The following ZNF713 variants were observed in gnomAD, a reference collection of about 807,000 sequenced individuals.
ZNF713 encodes the protein zinc finger protein 713.
A neutral mutation model predicts 28.7 loss-of-function variants in ZNF713; 21 were observed. That is an observed-to-expected ratio of 0.73 (90% CI 0.52 to 1.05). ZNF713 has a LOEUF of 1.05. Ranked by LOEUF, ZNF713 falls within the 50% of genes least tolerant of loss-of-function variation. The probability of loss-of-function intolerance (pLI) is 0.00; values close to 1 mark genes in which losing one functional copy is unlikely to be tolerated. For missense variants in ZNF713, 458 were observed against 532.4 expected (o/e 0.86, Z 1.37); for synonymous variants, 167 against 178.0 (o/e 0.94, Z 0.49).
In ZNF713 at chr7:55,912,001, T is replaced by G. The variant is rs1268157697; in HGVS notation, c.-70T>G. The G allele has an allele frequency of 6.6e-6, 1 of 152,222 alleles. No individual in the cohort carries two copies. The highest frequency in any genetic ancestry group is 6.5e-5 in the Admixed American group (1 of 15,280). 9.4% of individuals were successfully genotyped at this position (152,222 alleles called of 1,614,324 possible). A position where few individuals can be genotyped will look rare whatever the true frequency, so the allele number is the denominator to read the frequency against. ...GAAGATAGCAGAGCTTTGGCGACATTACAACATAAGAACTGCAGAGAGGTG... is the reference window on the plus strand; with the variant it reads ...GAAGATAGCAGAGCTTTGGCGACATGACAACATAAGAACTGCAGAGAGGTG... On this transcript the variant is annotated 5_prime_UTR_variant, in exon 3 of 7. It adds an upstream start codon to the 5' untranslated region. Coordinates refer to ENST00000429591, the MANE Select transcript of ZNF713 (RefSeq NM_182633.3).
Position 55,905,017 on chromosome 7 carries a change from G to A in ZNF713, c.-582-1236G>A, listed in dbSNP as rs944457939. Among the ~76,000 whole-genome samples, 5 of 152,162 alleles carry A rather than the reference G, an allele frequency of 3.3e-5. No homozygotes were observed. In the South Asian group the frequency reaches 6.2e-4, roughly 19 times the overall value. ...CTGGATTACAGGTGTGAGCCACCAT[G>A]CCCAGCCTAATTTCTTTCCTTTTAA... On this transcript the variant is annotated intron_variant, in intron 1 of 6. Coordinates refer to ENST00000429591, the MANE Select transcript of ZNF713 (RefSeq NM_182633.3).
At position 55,940,548 on chromosome 7, in the gene ZNF713, A is replaced by G; in HGVS notation, c.*542A>G. ...TACAAATGAGATTATATTTGGAGTC[A>G]TGTTCCAAATCTGATATAAAACTTT... On this transcript the variant is annotated 3_prime_UTR_variant, in exon 7 of 7. Coordinates refer to ENST00000429591, the MANE Select transcript of ZNF713 (RefSeq NM_182633.3). 1 of 981,932 alleles carries G rather than the reference A, an allele frequency of 1.0e-6. No individual in the cohort carries two copies. Among genetic ancestry groups the G allele is most frequent in the Non-Finnish European group, 1.2e-6 (1 of 826,804 alleles). The allele number at this position is 981,932 out of a possible 1,614,324, so 60.8% of individuals were successfully genotyped here.
At chr7:55,889,474 A>G (rs945465198) in intron 1 of ZNF713, among the ~76,000 whole-genome samples, 1 of 152,248 alleles carries the variant, frequency 6.6e-6, no homozygotes, top group African/African-American at 2.4e-5. Flanking sequence ...ATAATTTTTT[A>G]AAAGGCAGGT....
intron 6 of ZNF713, among the ~76,000 whole-genome samples, chr7:55,932,878 G>T (rs1256243831): frequency 1.6e-5 from 1 of 63,312 alleles, no homozygotes; most frequent in Non-Finnish European, 2.7e-5. Flanking sequence ...GCGACAGAGC[G>T]AGACTCCGTC....
Position 55,939,656 on chromosome 7 carries a change from T to C in ZNF713, c.982T>C (p.Ser328Pro). The C allele has an allele frequency of 1.4e-5, 22 of 1,614,208 alleles. No homozygotes were observed. The highest frequency in any genetic ancestry group is 1.9e-5 in the Non-Finnish European group (22 of 1,180,036). The change falls in exon 7 of 7, where the codon TCC becomes CCC. Residue 328 changes from serine to proline, a missense_variant. Ser to Pro is a moderately conservative substitution (Grantham distance 74). Coordinates refer to ENST00000429591, the MANE Select transcript of ZNF713 (RefSeq NM_182633.3). ...TGGGAAAGCCTTCCGTCAGCATTCA[T>C]CCTTTACTCAACATCTGAGGATTCA... ...GCGKAFRQHS[S>P]FTQHLRIHTG...
rs371788586 is a variant in ZNF713 at position 55,901,887 on chromosome 7, A to T, written c.-582-4366A>T. 2.6e-5 allele frequency among the ~76,000 whole-genome samples: 4 copies of T among 152,348 alleles called. No individual in the cohort carries two copies. In the East Asian group the frequency reaches 5.8e-4, roughly 22 times the overall value. ...CATGTAGTTTGCTGTATCAACTTAT[A>T]TGACAGTTACACATGTCAATATGAC... On this transcript the variant is annotated intron_variant, in intron 1 of 6. Coordinates refer to ENST00000429591, the MANE Select transcript of ZNF713 (RefSeq NM_182633.3).
intron 6 of ZNF713, among the ~76,000 whole-genome samples, chr7:55,928,106 G>A (rs1241895681): frequency 6.6e-6 from 1 of 152,014 alleles, no homozygotes; most frequent in East Asian, 1.9e-4. Context: ...GAATTGGGAA[G>A]GCAGGTAGAG....
At chr7:55,889,392 C>T (rs1319469863) in intron 1 of ZNF713, among the ~76,000 whole-genome samples, 2 of 152,158 alleles carry the variant, frequency 1.3e-5, no homozygotes, top group African/African-American at 4.8e-5. Flanking sequence ...TGAGCCACTG[C>T]GCCCGGCCTG....
chr7:55,934,600 G>A (rs1264501354), intron 6 of ZNF713, among the ~76,000 whole-genome samples: 1 of 152,020 alleles, frequency 6.6e-6, no homozygotes, highest in Non-Finnish European at 1.5e-5. Context: ...GCCTCCCTGG[G>A]CTGAGGTGAC....
At chr7:55,915,321 T>C (rs1260122100) in intron 4 of ZNF713, among the ~76,000 whole-genome samples, 3 of 152,250 alleles carry the variant, frequency 2.0e-5, no homozygotes, top group Non-Finnish European at 2.9e-5. Context: ...GTAGCTAGTA[T>C]GTGACAAGTT....
intron 6 of ZNF713, among the ~76,000 whole-genome samples, chr7:55,929,515 A>G (rs1458947316): frequency 1.3e-5 from 2 of 152,194 alleles, no homozygotes; most frequent in Non-Finnish European, 2.9e-5. Flanking sequence ...AGAGAGACAG[A>G]ATTGGATCTA....
intron 1 of ZNF713, among the ~76,000 whole-genome samples, chr7:55,893,426 C>G (rs1295195264): frequency 6.6e-6 from 1 of 152,064 alleles, no homozygotes; most frequent in Non-Finnish European, 1.5e-5. Flanking sequence ...TGGGGTAAGA[C>G]CACTCTAGAA....
At chr7:55,915,903 A>G (rs1226001705) in intron 4 of ZNF713, among the ~76,000 whole-genome samples, 2 of 152,190 alleles carry the variant, frequency 1.3e-5, no homozygotes, top group Non-Finnish European at 2.9e-5. Flanking sequence ...GGTGCTATAT[A>G]CTAACTGAAT....
At chr7:55,933,198 C>G (rs1192968938) in intron 6 of ZNF713, among the ~76,000 whole-genome samples, 7 of 152,000 alleles carry the variant, frequency 4.6e-5, no homozygotes, top group Admixed American at 1.3e-4. Flanking sequence ...GATCACACCA[C>G]TGCACTCCAG....
At position 55,923,617 on chromosome 7, in the gene ZNF713, T is replaced by C. The variant is rs761271938; in HGVS notation, c.225T>C (p.Leu75=). The C allele has an allele frequency of 6.2e-7, 1 of 1,603,764 alleles. No homozygotes were observed. The highest frequency in any genetic ancestry group is 8.5e-7 in the Non-Finnish European group (1 of 1,174,610). ...YRNLVALGYQ[L]CKPEVIAQLE... ...TACTCCTGTGAATAGGGTATCAGCTTTGTAAGCCAGAGGTAATCGCGCAGT... is the reference window on the plus strand; with the variant it reads ...TACTCCTGTGAATAGGGTATCAGCTCTGTAAGCCAGAGGTAATCGCGCAGT... The change falls in exon 6 of 7, where the codon CTT becomes CTC. Residue 75 remains leucine (L), a synonymous_variant. Coordinates refer to ENST00000429591, the MANE Select transcript of ZNF713 (RefSeq NM_182633.3).
chr7:55,912,694 A>AATG lies in ZNF713; in HGVS notation c.62_64dup (p.Asp21dup), dbSNP rs771269090. The AATG allele has an allele frequency of 6.2e-7, 1 of 1,613,628 alleles. No individual in the cohort carries two copies. The highest frequency in any genetic ancestry group is 8.5e-7 in the Non-Finnish European group (1 of 1,179,840). The stretch of plus-strand genomic sequence containing the variant: ...GGGGAACATGGAGGAGGAAGAAATG[A>AATG]ATGATGGCTCACAGATGGTGAGATC... On this transcript the variant is annotated inframe_insertion, in exon 4 of 7. Transcript: ENST00000429591.
At chr7:55,895,451 CTTTTTTTTTTTTTTTTTTTTTTTTTT>C (rs55972416) in intron 1 of ZNF713, among the ~76,000 whole-genome samples, 2 of 82,376 alleles carry the variant, frequency 2.4e-5, no homozygotes, top group African/African-American at 7.6e-5. Context: ...CTGTTATACT[CTTTTTTTTTTTTTTTTTTTTTTTTTT>C]TTTTTTTTGA....
chr7:55,896,575 T>G (rs1018318182), intron 1 of ZNF713, among the ~76,000 whole-genome samples: 1 of 145,342 alleles, frequency 6.9e-6, no homozygotes, highest in East Asian at 2.1e-4. Flanking sequence ...ACTCATGATA[T>G]TTAATATATA....
rs1237158560 is a variant in ZNF713, at chr7:55,939,585, A to G, written c.911A>G (p.His304Arg). The G allele has an allele frequency of 1.9e-6, 3 of 1,614,162 alleles. No individual in the cohort carries two copies. Among genetic ancestry groups the G allele is most frequent in the Non-Finnish European group, 2.5e-6 (3 of 1,180,014 alleles). Residue 304 changes from histidine to arginine, a missense_variant, in exon 7 of 7, where the codon CAT becomes CGT. Coordinates refer to ENST00000429591, the MANE Select transcript of ZNF713 (RefSeq NM_182633.3). ...RFSQRIHLIQ[H>R]QRIHTGEKPF... ...AGCCAGAGGATACATCTCATTCAAC[A>G]TCAGAGAATTCACACAGGAGAAAAG...
Sources: gnomAD v4.1 joint callset for allele counts (sites outside exome capture counted in the v4.1 genomes callset) on GRCh38, gnomAD v4.1.1 for gene constraint, MANE v1.5 for transcripts, NCBI Gene and HGNC (gene_info 2026-07-23, HGNC 2026-07-21) for gene names.